Variants in SFMBT1 observed in about 807,000 individuals in gnomAD.
The protein encoded by SFMBT1 is Scm like with four mbt domains 1.
Under a neutral mutation model 108.7 loss-of-function variants are expected in SFMBT1, and 32 were observed. The ratio of observed to expected loss-of-function variants is 0.29; its 90% confidence interval spans 0.22 to 0.40. The LOEUF (loss-of-function observed/expected upper bound fraction) is 0.40. SFMBT1 is among the 10% of genes least tolerant of loss of function. The pLI is 1.00. For synonymous variants in SFMBT1, 348 were observed against 369.5 expected (o/e 0.94, Z 0.67); for missense variants, 816 against 1,059.6 (o/e 0.77, Z 3.19).
chr3:53,014,181 A>G (rs1699048343), intron 1 of SFMBT1, among the ~76,000 whole-genome samples: 1 of 152,246 alleles, frequency 6.6e-6, no homozygotes, highest in Non-Finnish European at 1.5e-5. Flanking sequence ...GCTGCCTGCC[A>G]TTCAAAAATA....
intron 12 of SFMBT1, among the ~76,000 whole-genome samples, chr3:52,918,804 G>A (rs185579019): frequency 1.2e-4 from 18 of 152,156 alleles, no homozygotes; most frequent in Admixed American, 1.1e-3. Context: ...GTAAGTGTTG[G>A]GAAAGCTCAA....
chr3:52,915,045 C>T (rs1702310385), intron 14 of SFMBT1, among the ~76,000 whole-genome samples: 1 of 152,188 alleles, frequency 6.6e-6, no homozygotes, highest in Admixed American at 6.5e-5. Flanking sequence ...GAATTAGGAT[C>T]AACTCTGAGT....
At chr3:52,983,624 A>C (rs60327091) in intron 1 of SFMBT1, among the ~76,000 whole-genome samples, 1,963 of 152,308 alleles carry the variant, frequency 0.013, 46 homozygotes, top group African/African-American at 0.045. Flanking sequence ...ACACAAAACA[A>C]CACCAGAGGG....
intron 1 of SFMBT1, among the ~76,000 whole-genome samples, chr3:53,027,024 C>G (rs554867914): frequency 1.3e-5 from 2 of 152,148 alleles, no homozygotes; most frequent in South Asian, 4.1e-4. Flanking sequence ...CTCAACTAAT[C>G]CTCCCTCCTT....
intron 6 of SFMBT1, 142 bp from the exon 7 acceptor site, chr3:52,931,177 T>C (rs1423781710): frequency 3.0e-6 from 2 of 677,940 alleles, no homozygotes; most frequent in Non-Finnish European, 5.0e-6. Context: ...TCCCTTTACA[T>C]TCAAAGAACT....
intron 2 of SFMBT1, among the ~76,000 whole-genome samples, chr3:52,962,217 C>A (rs1225626927): frequency 1.3e-5 from 2 of 152,166 alleles, no homozygotes; most frequent in African/African-American, 4.8e-5. Context: ...ACCTTTTGAT[C>A]CAGCAATCCC....
At chr3:52,964,333 T>G (rs1380821490) in intron 2 of SFMBT1, among the ~76,000 whole-genome samples, 2 of 152,062 alleles carry the variant, frequency 1.3e-5, no homozygotes, top group African/African-American at 4.8e-5. Context: ...CAACATAACA[T>G]AGCAAGACCC....
At chr3:53,019,336 G>A (rs1216204563) in intron 1 of SFMBT1, among the ~76,000 whole-genome samples, 2 of 150,910 alleles carry the variant, frequency 1.3e-5, no homozygotes, top group Non-Finnish European at 2.9e-5. Flanking sequence ...GTGCATGTGT[G>A]TGTGTGAAAT....
chr3:52,971,950 A>G (rs1704361429), intron 1 of SFMBT1, among the ~76,000 whole-genome samples: 1 of 152,242 alleles, frequency 6.6e-6, no homozygotes. Flanking sequence ...AAGGGATAAC[A>G]GCAATTAATA....
At chr3:53,011,092 G>T (rs1410946149) in intron 1 of SFMBT1, among the ~76,000 whole-genome samples, 1 of 152,174 alleles carries the variant, frequency 6.6e-6, no homozygotes, top group Non-Finnish European at 1.5e-5. Flanking sequence ...AATCACTAGA[G>T]AAATTTCTGA....
chr3:52,924,541 G>C (rs1367636143), intron 10 of SFMBT1, among the ~76,000 whole-genome samples: 1 of 152,002 alleles, frequency 6.6e-6, no homozygotes, highest in Non-Finnish European at 1.5e-5. Context: ...ACTCAGGAGG[G>C]TGAGGCAGGA....
intron 13 of SFMBT1, among the ~76,000 whole-genome samples, chr3:52,916,841 T>G (rs1399442233): frequency 2.0e-5 from 3 of 152,194 alleles, no homozygotes; most frequent in Non-Finnish European, 4.4e-5. Flanking sequence ...GCAAAAAAAT[T>G]ACAAAATTTC....
chr3:53,024,487 T>C (rs552505044), intron 1 of SFMBT1, among the ~76,000 whole-genome samples: 1 of 152,346 alleles, frequency 6.6e-6, no homozygotes, highest in South Asian at 2.1e-4. Flanking sequence ...CCTTGTTGGC[T>C]ATGATAAAGG....
intron 14 of SFMBT1, among the ~76,000 whole-genome samples, chr3:52,915,033 C>A (rs745878773): frequency 6.6e-6 from 1 of 152,182 alleles, no homozygotes; most frequent in Non-Finnish European, 1.5e-5. Flanking sequence ...GCCACCACAC[C>A]TGAATTAGGA....
At chr3:52,943,226 A>T in intron 4 of SFMBT1, 127 bp downstream of exon 4, 1 of 1,134,252 alleles carries the variant, frequency 8.8e-7, no homozygotes, top group Non-Finnish European at 1.3e-6. Context: ...ATTTTCACTC[A>T]AAATGCTAAC....
At chr3:52,971,401 AC>A (rs1251599194) in intron 1 of SFMBT1, among the ~76,000 whole-genome samples, 1 of 152,182 alleles carries the variant, frequency 6.6e-6, no homozygotes, top group Non-Finnish European at 1.5e-5. Context: ...ACCGAAACCC[AC>A]ACTTTCAAAG....
intron 1 of SFMBT1, among the ~76,000 whole-genome samples, chr3:53,026,741 A>G (rs1475488378): frequency 1.3e-5 from 2 of 152,238 alleles, no homozygotes; most frequent in Admixed American, 6.5e-5. Flanking sequence ...GAACCTCAAC[A>G]AAATTAAATA....
intron 1 of SFMBT1, among the ~76,000 whole-genome samples, chr3:53,012,835 G>A (rs1306338924): frequency 2.6e-5 from 4 of 151,624 alleles, no homozygotes; most frequent in Non-Finnish European, 5.9e-5. Context: ...ACACAATTTA[G>A]TTTTTGCAGG....
At chr3:52,941,524 G>A (rs1390072571) in intron 4 of SFMBT1, among the ~76,000 whole-genome samples, 1 of 149,818 alleles carries the variant, frequency 6.7e-6, no homozygotes, top group Non-Finnish European at 1.5e-5. Context: ...AACCCAGGAG[G>A]TGGAGGCTGC....
Sources: gnomAD v4.1 joint callset for allele counts (sites outside exome capture counted in the v4.1 genomes callset) on GRCh38, gnomAD v4.1.1 for gene constraint, MANE v1.5 for transcripts, NCBI Gene and HGNC (gene_info 2026-07-23, HGNC 2026-07-21) for gene names.